The following ADAM17 variants were observed in gnomAD, a reference collection of about 807,000 sequenced individuals.
The protein encoded by ADAM17 is ADAM metallopeptidase domain 17.
In ADAM17, 39 loss-of-function variants were observed where a neutral mutation model predicts 96.7. The observed-to-expected ratio is 0.40, with a 90% CI of 0.31 to 0.53. The LOEUF is 0.53. ADAM17 is among the 20% of genes least tolerant of loss of function. ADAM17 has a pLI of 0.44. For synonymous variants in ADAM17, 344 were observed against 359.2 expected (o/e 0.96, Z 0.48); for missense variants, 777 against 1,013.2 (o/e 0.77, Z 3.17).
intron 1 of ADAM17, among the ~76,000 whole-genome samples, chr2:9,548,659 C>T (rs141548096): frequency 3.5e-4 from 54 of 152,224 alleles, no homozygotes; most frequent in African/African-American, 1.3e-3. Context: ...TTTCATTGCT[C>T]ATTTACATAG....
Position 9,526,222 on chromosome 2 carries a change from T to C in ADAM17, c.642A>G (p.Arg214=). The change falls in exon 6 of 19, where the codon AGA becomes AGG. Residue 214 remains arginine (R), a synonymous_variant. Transcript: ENST00000310823. ...TCTTCATGGGATCTGGGTCAGCTCT[T>C]CTTTTCACTCGATGAACAAGCTCTA... ...PPEELVHRVK[R]RADPDPMKNT... 1 of 1,613,832 alleles carries C rather than the reference T, an allele frequency of 6.2e-7. No homozygotes were observed. The highest frequency in any genetic ancestry group is 8.5e-7 in the Non-Finnish European group (1 of 1,179,908).
At chr2:9,543,326 T>C (rs1320121752) in intron 1 of ADAM17, 41 bp from the exon 2 acceptor site, 2 of 1,500,766 alleles carry the variant, frequency 1.3e-6, no homozygotes, top group Non-Finnish European at 1.8e-6. Context: ...CTAAACCTAA[T>C]AATCAATTGT....
intron 7 of ADAM17, chr2:9,522,165 A>C (rs1287332820): frequency 2.8e-6 from 1 of 356,890 alleles, no homozygotes; most frequent in African/African-American, 2.1e-5. Flanking sequence ...TAATAAAACA[A>C]GTGAAGCAGC....
chr2:9,549,700 G>A (rs1168667481), intron 1 of ADAM17, among the ~76,000 whole-genome samples: 1 of 151,980 alleles, frequency 6.6e-6, no homozygotes, highest in Non-Finnish European at 1.5e-5. Context: ...CTATTTTTTT[G>A]TAGAGACAAG....
chr2:9,511,923 A>C (rs1194230620), intron 10 of ADAM17, among the ~76,000 whole-genome samples: 1 of 152,130 alleles, frequency 6.6e-6, no homozygotes, highest in Non-Finnish European at 1.5e-5. Flanking sequence ...GTGAGCCGAG[A>C]TAGGCCACTG....
At chr2:9,536,632 A>T in intron 3 of ADAM17, 66 bp downstream of exon 3, 1 of 1,592,566 alleles carries the variant, frequency 6.3e-7, no homozygotes, top group Non-Finnish European at 8.6e-7. Flanking sequence ...AAGAATATGC[A>T]ATCAAGTTAG....
In ADAM17 at chr2:9,527,283, C is replaced by CAAACAAAACAAAACA. The variant is rs60074409; in HGVS notation, c.619+488_619+502dup. 6.5e-3 allele frequency among the ~76,000 whole-genome samples: 978 copies of CAAACAAAACAAAACA among 150,228 alleles called. 19 individuals are homozygous for CAAACAAAACAAAACA. The highest frequency in any genetic ancestry group is 0.023 in the African/African-American group (938 of 40,696). ...GTTGCAGTGAGCCGAGATCGCGCTG[C>CAAACAAAACAAAACA]AAACAAAACAAAACAAAACAAAACA... On this transcript the variant is annotated intron_variant, in intron 5 of 18. Coordinates refer to ENST00000310823, the MANE Select transcript of ADAM17 (RefSeq NM_003183.6).
chr2:9,518,313 A>G (rs1310815991), intron 8 of ADAM17, 66 bp from the exon 9 acceptor site: 1 of 1,441,196 alleles, frequency 6.9e-7, no homozygotes, highest in Non-Finnish European at 9.2e-7. Context: ...CATCAGACTA[A>G]AAGATGTAAT....
chr2:9,524,890 CA>C (rs1268275588), intron 6 of ADAM17, among the ~76,000 whole-genome samples: 2 of 152,096 alleles, frequency 1.3e-5, no homozygotes, highest in Non-Finnish European at 2.9e-5. Context: ...TTCTACTGTT[CA>C]AAAACTGGGT....
rs529322135 is a variant in ADAM17, at chr2:9,519,325, G to A, written c.958-1078C>T. The stretch of plus-strand genomic sequence containing the variant: ...GGATGAGGCTTCTAAGAATATTCTA[G>A]GAGGCTTAGGGAAGAAAACTGGAGA... On this transcript the variant is annotated intron_variant, in intron 8 of 18. Transcript: ENST00000310823. 2.0e-5 allele frequency among the ~76,000 whole-genome samples: 3 copies of A among 152,242 alleles called. No homozygotes were observed. In the South Asian group the frequency reaches 6.2e-4, roughly 32 times the overall value.
intron 11 of ADAM17, among the ~76,000 whole-genome samples, chr2:9,507,516 A>G (rs555128359): frequency 1.3e-5 from 2 of 152,312 alleles, no homozygotes; most frequent in Admixed American, 6.5e-5. Context: ...ATCATAATAA[A>G]TAATAATAAA....
chr2:9,540,854 C>G (rs903766448), intron 2 of ADAM17, among the ~76,000 whole-genome samples: 1 of 152,110 alleles, frequency 6.6e-6, no homozygotes, highest in Non-Finnish European at 1.5e-5. Flanking sequence ...AATGCCATGC[C>G]CTTTAGAGGG....
At chr2:9,502,343 C>T in intron 12 of ADAM17, 67 bp from the exon 13 acceptor site, 2 of 1,389,192 alleles carry the variant, frequency 1.4e-6, no homozygotes, top group East Asian at 2.3e-5. Context: ...TCAAACGCTA[C>T]AGTTACGTTA....
At chr2:9,499,408 T>C (rs1288809257) in intron 13 of ADAM17, among the ~76,000 whole-genome samples, 1 of 152,112 alleles carries the variant, frequency 6.6e-6, no homozygotes, top group Non-Finnish European at 1.5e-5. Context: ...TTTGTTTTTT[T>C]GGTTTTTTTT....
intron 13 of ADAM17, 98 bp from the exon 14 acceptor site, chr2:9,497,346 ACCTT>A: frequency 1.3e-6 from 2 of 1,515,132 alleles, no homozygotes; most frequent in Admixed American, 4.0e-5. Flanking sequence ...TGAGCATCTT[ACCTT>A]GCAAAAGCAA....
In ADAM17 at chr2:9,514,512, AATATAAATAT is replaced by A. The variant is rs1166746297; in HGVS notation, c.1191+3379_1191+3388del. Among the ~76,000 whole-genome samples the A allele has an allele frequency of 9.0e-5, 8 of 89,238 alleles. No homozygotes were observed. In the East Asian group the frequency reaches 3.5e-3, roughly 39 times the overall value. The allele number at this position is 89,238 out of a possible 152,430, so 58.5% of individuals were successfully genotyped here. ...CATGTATCCTAGAACTTAAATTTAAAATATAAATATATATATATATATATATATATATATA... is the reference window on the plus strand; with the variant it reads ...CATGTATCCTAGAACTTAAATTTAAAATATATATATATATATATATATATA... On this transcript the variant is annotated intron_variant, in intron 10 of 18. Transcript: ENST00000310823.
chr2:9,526,306 A>T, intron 5 of ADAM17, 62 bp from the exon 6 acceptor site: 1 of 1,528,524 alleles, frequency 6.5e-7, no homozygotes. Flanking sequence ...TTTTATGGTA[A>T]CACTTTAAAT....
At position 9,509,960 on chromosome 2, in the gene ADAM17, A is replaced by C. The variant is rs751948367; in HGVS notation, c.1344+19T>G. 7 of 1,613,114 alleles carry C rather than the reference A, an allele frequency of 4.3e-6. No homozygotes were observed. The South Asian group carries it at 7.7e-5, about 18-fold the overall frequency. On this transcript the variant is annotated intron_variant, in intron 11 of 18. Coordinates refer to ENST00000310823, the MANE Select transcript of ADAM17 (RefSeq NM_003183.6). ...AGCCTCTTTCCAAACCACATAAAAA[A>C]TTCTCGACACACACATACCTTATTG...
At chr2:9,506,281 G>C (rs1418622600) in intron 11 of ADAM17, among the ~76,000 whole-genome samples, 2 of 150,784 alleles carry the variant, frequency 1.3e-5, no homozygotes, top group African/African-American at 4.9e-5. Context: ...CACCAAAGGA[G>C]CTACTTTCAG....
Sources: gnomAD v4.1 joint callset for allele counts (sites outside exome capture counted in the v4.1 genomes callset) on GRCh38, gnomAD v4.1.1 for gene constraint, MANE v1.5 for transcripts, NCBI Gene and HGNC (gene_info 2026-07-23, HGNC 2026-07-21) for gene names.